SNTG1: variants seen among roughly 807,000 people sequenced by gnomAD.
SNTG1 encodes the protein gamma-1-syntrophin.
In SNTG1, 39 loss-of-function variants were observed where a neutral mutation model predicts 74.7. The observed-to-expected ratio is 0.52, with a 90% CI of 0.40 to 0.68. SNTG1 has a LOEUF of 0.68. Among genes scored for constraint, SNTG1 ranks in the 30% least tolerant of loss-of-function variants. The pLI is 0.00. For missense variants in SNTG1, 685 were observed against 609.5 expected, an observed-to-expected ratio of 1.12 and a Z score of -1.30; for synonymous variants, 254 against 217.1, an observed-to-expected ratio of 1.17 and a Z score of -1.49.
At chr8:50,514,057 C>T (rs1318951405) in intron 9 of SNTG1, among the ~76,000 whole-genome samples, 1 of 152,178 alleles carries the variant, frequency 6.6e-6, no homozygotes, top group Non-Finnish European at 1.5e-5. Context: ...ATCTTGGCTC[C>T]CCCTGCAATA....
intron 8 of SNTG1, among the ~76,000 whole-genome samples, chr8:50,467,809 G>A (rs942761834): frequency 6.6e-6 from 1 of 151,832 alleles, no homozygotes; most frequent in African/African-American, 2.4e-5. Flanking sequence ...TTGCCTGCAT[G>A]TCACAAATAT....
intron 1 of SNTG1, among the ~76,000 whole-genome samples, chr8:50,018,468 C>T (rs538257042): frequency 1.6e-4 from 24 of 152,106 alleles, no homozygotes; most frequent in African/African-American, 5.8e-4. Context: ...CTCTACCTCA[C>T]ACCTTACTCA....
chr8:50,480,925 C>A (rs753330488), intron 8 of SNTG1, among the ~76,000 whole-genome samples: 1 of 152,182 alleles, frequency 6.6e-6, no homozygotes, highest in Admixed American at 6.5e-5. Flanking sequence ...AATTACCACA[C>A]TATTTTTATT....
chr8:50,791,362 G>T (rs1271421844), intron 18 of SNTG1, among the ~76,000 whole-genome samples: 3 of 151,802 alleles, frequency 2.0e-5, no homozygotes, highest in Non-Finnish European at 4.4e-5. Flanking sequence ...CTATTCTCTA[G>T]GACAAGTTGC....
Position 50,044,021 on chromosome 8 carries a change from C to T in SNTG1, c.-102-128540C>T, listed in dbSNP as rs111695450. Among the ~76,000 whole-genome samples the T allele has an allele frequency of 7.2e-5, 11 of 152,306 alleles. 1 individual carries two copies. The highest frequency in any genetic ancestry group is 2.4e-4 in the African/African-American group (10 of 41,562). On this transcript the variant is annotated intron_variant, in intron 1 of 18. Transcript: ENST00000642720. ...AATCACATAAAACTTTATTATCATT[C>T]TGACATCTCTCTGAATAGTCACCTT... is the stretch of plus-strand genomic sequence containing the variant.
intron 1 of SNTG1, among the ~76,000 whole-genome samples, chr8:50,022,492 T>C (rs924114474): frequency 5.9e-5 from 9 of 152,168 alleles, no homozygotes; most frequent in African/African-American, 2.2e-4. Flanking sequence ...AAGAGGCAGA[T>C]TATTAAACCA....
intron 1 of SNTG1, among the ~76,000 whole-genome samples, chr8:49,978,242 AGAGG>A (rs1342823266): frequency 6.6e-6 from 1 of 151,938 alleles, no homozygotes; most frequent in African/African-American, 2.4e-5. Context: ...AGCGGGGGAG[AGAGG>A]GAGAGAGAGA....
chr8:50,777,971 C>T (rs377092200), intron 18 of SNTG1, among the ~76,000 whole-genome samples: 15,297 of 151,770 alleles, frequency 0.1, 827 homozygotes, highest in Middle Eastern at 0.14. Flanking sequence ...TTTGTTCTTG[C>T]GATAGTTTAC....
intron 1 of SNTG1, among the ~76,000 whole-genome samples, chr8:50,040,854 C>T (rs1327757336): frequency 6.6e-6 from 1 of 151,992 alleles, no homozygotes; most frequent in Non-Finnish European, 1.5e-5. Context: ...TAAAAGTGCC[C>T]TTATCTGCTA....
chr8:50,689,992 G>C (rs941196698), intron 15 of SNTG1, among the ~76,000 whole-genome samples: 1 of 152,104 alleles, frequency 6.6e-6, no homozygotes, highest in Non-Finnish European at 1.5e-5. Flanking sequence ...TGTATGTGTC[G>C]AGGAATTTAT....
intron 1 of SNTG1, among the ~76,000 whole-genome samples, chr8:50,107,806 C>A (rs942256218): frequency 6.6e-6 from 1 of 152,046 alleles, no homozygotes; most frequent in East Asian, 1.9e-4. Flanking sequence ...CCACCTAAGC[C>A]GCCCAAAGTG....
chr8:50,685,715 T>A (rs1364256936), intron 15 of SNTG1, among the ~76,000 whole-genome samples: 1 of 152,184 alleles, frequency 6.6e-6, no homozygotes, highest in Non-Finnish European at 1.5e-5. Flanking sequence ...ATACAGCTAT[T>A]TTAAGCTGTC....
intron 4 of SNTG1, among the ~76,000 whole-genome samples, chr8:50,414,463 G>A (rs903479404): frequency 1.1e-4 from 16 of 152,166 alleles, no homozygotes; most frequent in African/African-American, 3.4e-4. Context: ...CTATGCAGGT[G>A]ACGGTGCCTC....
At chr8:49,997,783 G>A (rs552325060) in intron 1 of SNTG1, among the ~76,000 whole-genome samples, 1 of 152,078 alleles carries the variant, frequency 6.6e-6, no homozygotes, top group Non-Finnish European at 1.5e-5. Context: ...TTGAGATCTT[G>A]TAGTGTCTCA....
At chr8:50,175,370 C>A (rs1288402750) in intron 2 of SNTG1, among the ~76,000 whole-genome samples, 2 of 152,160 alleles carry the variant, frequency 1.3e-5, no homozygotes, top group African/African-American at 2.4e-5. Context: ...ATTCCCCAAA[C>A]CTCCAGACTA....
intron 1 of SNTG1, among the ~76,000 whole-genome samples, chr8:50,136,900 G>C (rs1261363600): frequency 6.6e-6 from 1 of 152,002 alleles, no homozygotes; most frequent in Non-Finnish European, 1.5e-5. Context: ...GAGGTCAGGA[G>C]ACTCTTTAAA....
At chr8:50,407,336 T>C (rs769462603) in intron 4 of SNTG1, among the ~76,000 whole-genome samples, 8 of 152,110 alleles carry the variant, frequency 5.3e-5, no homozygotes, top group Non-Finnish European at 1.2e-4. Flanking sequence ...TAGGCAAGGA[T>C]GCTATTTTGT....
chr8:50,449,309 A>G (rs1292292210), intron 5 of SNTG1, among the ~76,000 whole-genome samples: 1 of 152,242 alleles, frequency 6.6e-6, no homozygotes, highest in Non-Finnish European at 1.5e-5. Flanking sequence ...CCAGCACAGA[A>G]TAACTTAGCA....
chr8:49,940,951 C>G (rs911213939), intron 1 of SNTG1, among the ~76,000 whole-genome samples: 2 of 152,090 alleles, frequency 1.3e-5, no homozygotes, highest in Non-Finnish European at 1.5e-5. Flanking sequence ...CTGATAAAAT[C>G]AACATATGTT....
Sources: allele counts gnomAD v4.1 joint callset (sites outside exome capture counted in the v4.1 genomes callset), GRCh38; gene constraint gnomAD v4.1.1; transcripts MANE v1.5; gene names NCBI Gene and HGNC (gene_info 2026-07-23, HGNC 2026-07-21).